The following PHF24 variants were observed in gnomAD, a reference collection of about 807,000 sequenced individuals.
The protein encoded by PHF24 is Galpha inhibitory interacting protein.
Under a neutral mutation model 42.6 loss-of-function variants are expected in PHF24, and 25 were observed. The observed-to-expected ratio is 0.59, with a 90% CI of 0.43 to 0.82. PHF24 has a LOEUF of 0.82. Among genes scored for constraint, PHF24 ranks in the 40% least tolerant of loss-of-function variants. The pLI is 0.00. For synonymous variants in PHF24, 185 were observed against 204.8 expected, an observed-to-expected ratio of 0.90 and a Z score of 0.83; for missense variants, 470 against 538.1, an observed-to-expected ratio of 0.87 and a Z score of 1.25.
the PHF24 span, among the ~76,000 whole-genome samples, chr9:34,936,198 G>A: frequency 6.6e-6 from 1 of 152,162 alleles, no homozygotes; most frequent in Non-Finnish European, 1.5e-5. Context: ...CCTGCCGAGT[G>A]CCTGCCATTG....
the PHF24 span, among the ~76,000 whole-genome samples, chr9:34,778,188 G>T: frequency 2.6e-5 from 4 of 152,110 alleles, no homozygotes; most frequent in Non-Finnish European, 5.9e-5. Flanking sequence ...TCTCTCATCA[G>T]CCACAGTAAG....
chr9:34,924,491 C>T, the PHF24 span, among the ~76,000 whole-genome samples: 1 of 152,256 alleles, frequency 6.6e-6, no homozygotes, highest in East Asian at 1.9e-4. Flanking sequence ...GTTACATACC[C>T]TTGCTGAATT....
At chr9:34,978,199 A>T in exon 8 of PHF24, 1 of 1,032,988 alleles carries the variant, frequency 9.7e-7, no homozygotes, top group Non-Finnish European at 1.5e-6. Context: ...TGGCACAGAG[A>T]CTCATGGGGT....
chr9:34,700,739 G>C, the PHF24 span, among the ~76,000 whole-genome samples: 1 of 152,168 alleles, frequency 6.6e-6, no homozygotes, highest in Non-Finnish European at 1.5e-5. Context: ...AAGAGAGTGA[G>C]TGTAGATAGA....
chr9:34,684,030 C>T, the PHF24 span, among the ~76,000 whole-genome samples: 3 of 152,346 alleles, frequency 2.0e-5, no homozygotes, highest in Non-Finnish European at 2.9e-5. Flanking sequence ...CTCACTTATT[C>T]TCGCTATTTT....
chr9:34,849,641 A>C, the PHF24 span, among the ~76,000 whole-genome samples: 1 of 152,180 alleles, frequency 6.6e-6, no homozygotes, highest in African/African-American at 2.4e-5. Flanking sequence ...TGATCCTGTC[A>C]TTATGATATT....
At chr9:34,878,387 C>G in the PHF24 span, among the ~76,000 whole-genome samples, 22 of 152,122 alleles carry the variant, frequency 1.4e-4, no homozygotes, top group Non-Finnish European at 1.0e-4. Context: ...GGGTGCAGCC[C>G]ATGGAGTGTG....
the PHF24 span, among the ~76,000 whole-genome samples, chr9:34,821,527 C>T: frequency 6.4e-3 from 973 of 152,188 alleles, 8 homozygotes; most frequent in Middle Eastern, 0.037. Flanking sequence ...AGTATATGTA[C>T]GTCTCCTATT....
chr9:34,908,205 C>A, the PHF24 span, among the ~76,000 whole-genome samples: 2 of 152,128 alleles, frequency 1.3e-5, no homozygotes, highest in Non-Finnish European at 2.9e-5. Context: ...ATACCATACC[C>A]CAGAAACAAA....
At chr9:34,801,347 A>G in the PHF24 span, among the ~76,000 whole-genome samples, 1 of 152,252 alleles carries the variant, frequency 6.6e-6, no homozygotes, top group Non-Finnish European at 1.5e-5. Context: ...ATGCACATGT[A>G]TGTTTATTGC....
chr9:34,758,560 T>C, the PHF24 span, among the ~76,000 whole-genome samples: 5 of 152,134 alleles, frequency 3.3e-5, no homozygotes, highest in Admixed American at 3.3e-4. This position sits in a 1 kb window ranked among gnomAD's most constrained non-coding sequence, Gnocchi z 4.4. Flanking sequence ...TCAGCAACCC[T>C]TGTGGGCTTG....
the PHF24 span, among the ~76,000 whole-genome samples, chr9:34,698,776 A>G: frequency 6.6e-6 from 1 of 152,210 alleles, no homozygotes; most frequent in South Asian, 2.1e-4. Flanking sequence ...CACCGTGCCC[A>G]GCCAAAGCTG....
chr9:34,713,133 G>T, the PHF24 span, among the ~76,000 whole-genome samples: 19 of 152,268 alleles, frequency 1.2e-4, no homozygotes, highest in East Asian at 3.7e-3. Context: ...TTTTCAAACG[G>T]TTTTTTGCAA....
At chr9:34,789,080 A>G in the PHF24 span, among the ~76,000 whole-genome samples, 1 of 152,176 alleles carries the variant, frequency 6.6e-6, no homozygotes, top group Non-Finnish European at 1.5e-5. Context: ...ACTAACAGTA[A>G]GGGAGGCTCC....
the PHF24 span, among the ~76,000 whole-genome samples, chr9:34,738,780 A>G: frequency 6.6e-6 from 1 of 152,190 alleles, no homozygotes; most frequent in African/African-American, 2.4e-5. Context: ...ACTTGCTTAC[A>G]GCTCCCCAGC....
the PHF24 span, among the ~76,000 whole-genome samples, chr9:34,840,672 C>T: frequency 6.6e-6 from 1 of 151,858 alleles, no homozygotes; most frequent in Non-Finnish European, 1.5e-5. Context: ...ACCTGAGCCC[C>T]CCCAGATGCT....
the PHF24 span, among the ~76,000 whole-genome samples, chr9:34,840,881 G>T: frequency 0.37 from 55,826 of 151,630 alleles, 10,609 homozygotes; most frequent in East Asian, 0.66. Context: ...AAATATATAA[G>T]TATATATGTA....
chr9:34,849,179 C>G, the PHF24 span, among the ~76,000 whole-genome samples: 18 of 152,066 alleles, frequency 1.2e-4, no homozygotes, highest in Non-Finnish European at 2.5e-4. Context: ...TCTCGTTGAT[C>G]TGTCTAATGT....
the PHF24 span, among the ~76,000 whole-genome samples, chr9:34,815,575 G>C: frequency 3.5e-3 from 527 of 152,228 alleles, 9 homozygotes; most frequent in African/African-American, 0.012. Context: ...ACCTGCCTTG[G>C]CGTCCCCAAG....
Sources: allele counts gnomAD v4.1 joint callset (sites outside exome capture counted in the v4.1 genomes callset), GRCh38; gene constraint gnomAD v4.1.1; non-coding constraint Gnocchi (gnomAD v3.1); transcripts MANE v1.5; gene names NCBI Gene and HGNC (gene_info 2026-07-23, HGNC 2026-07-21).